The following HEATR6 variants were observed in gnomAD, a reference collection of about 807,000 sequenced individuals.
HEATR6 encodes HEAT repeat containing 6.
In HEATR6, 106 loss-of-function variants were observed where a neutral mutation model predicts 132.8. That is an observed-to-expected ratio of 0.80 (90% CI 0.68 to 0.94). The LOEUF (loss-of-function observed/expected upper bound fraction) is 0.94, where lower values mean the gene tolerates loss of function less well. HEATR6 is among the 40% of genes least tolerant of loss of function. HEATR6 has a pLI of 0.00. For synonymous variants in HEATR6, 529 were observed against 537.8 expected (o/e 0.98, Z 0.23); for missense variants, 1,339 against 1,425.1 (o/e 0.94, Z 0.97).
rs1043280387 is a variant in HEATR6 at position 60,043,366 on chromosome 17, C to T, written c.*197G>A. 3.5e-6 allele frequency: 2 copies of T among 576,236 alleles called. No homozygotes were observed. The highest frequency in any genetic ancestry group is 3.2e-5 in the Admixed American group (1 of 31,634). The allele number at this position is 576,236 out of a possible 1,614,324, so 35.7% of individuals were successfully genotyped here. Reference sequence around the variant, plus strand: ...ATGCACAGGTCAGATGTTCCAACAACCCTGACCATGGCCAGTGCTATGGAG... The same window carrying T: ...ATGCACAGGTCAGATGTTCCAACAATCCTGACCATGGCCAGTGCTATGGAG... On this transcript the variant is annotated 3_prime_UTR_variant, in exon 20 of 20. Transcript: ENST00000184956.
At chr17:60,071,329 G>A (rs1187378660) in intron 5 of HEATR6, among the ~76,000 whole-genome samples, 1 of 152,192 alleles carries the variant, frequency 6.6e-6, no homozygotes, top group East Asian at 1.9e-4. Flanking sequence ...TTGGGATGAT[G>A]TGAACTGTAG....
chr17:60,066,310 G>T lies in HEATR6; in HGVS notation c.1315C>A (p.Leu439Ile). 6.2e-7 allele frequency: 1 copy of T among 1,613,614 alleles called. No individual in the cohort carries two copies. Among genetic ancestry groups the T allele is most frequent in the Non-Finnish European group, 8.5e-7 (1 of 1,179,770 alleles). The change falls in exon 9 of 20, where the codon CTT becomes ATT. Residue 439 changes from leucine to isoleucine, a missense_variant. By Grantham distance (5) the Leu-to-Ile change is conservative (BLOSUM62 2). Coordinates refer to ENST00000184956, the MANE Select transcript of HEATR6 (RefSeq NM_022070.5). ...ATAAAAGCTGACCAGTAGCCATAAA[G>T]AACTTTTTTTTCTATCGATTTTATA... Reference protein sequence around the residue: ...STIKSIEKKVLYGYWSAFIPD... With the variant: ...STIKSIEKKVIYGYWSAFIPD...
At chr17:60,058,774 A>T (rs1234987002) in intron 11 of HEATR6, among the ~76,000 whole-genome samples, 2 of 152,212 alleles carry the variant, frequency 1.3e-5, no homozygotes, top group Non-Finnish European at 1.5e-5. Flanking sequence ...TATGTCACAG[A>T]AAACATCCAC....
chr17:60,050,236 G>C (rs181738136), intron 15 of HEATR6, among the ~76,000 whole-genome samples: 38 of 152,198 alleles, frequency 2.5e-4, no homozygotes, highest in Non-Finnish European at 4.4e-4. Flanking sequence ...CAGCTCACAT[G>C]GTGCCATCTG....
intron 2 of HEATR6, 27 bp from the exon 3 acceptor site, chr17:60,073,913 TG>T: frequency 6.2e-7 from 1 of 1,600,822 alleles, no homozygotes; most frequent in Non-Finnish European, 8.5e-7. Flanking sequence ...AGATATATTC[TG>T]ATCTAACTTT....
chr17:60,060,424 T>C (rs2083204114), intron 9 of HEATR6, among the ~76,000 whole-genome samples: 1 of 152,052 alleles, frequency 6.6e-6, no homozygotes, highest in African/African-American at 2.4e-5. Context: ...GGACTACATG[T>C]GTGCCACCAC....
At chr17:60,052,951 T>A (rs1002291470) in intron 14 of HEATR6, among the ~76,000 whole-genome samples, 2 of 152,158 alleles carry the variant, frequency 1.3e-5, no homozygotes, top group African/African-American at 4.8e-5. Context: ...GGTTATGGTT[T>A]ATTATTCCTT....
chr17:60,066,298 A>C lies in HEATR6; in HGVS notation c.1327T>G (p.Trp443Gly). ...SIEKKVLYGY[W>G]SAFIPDTPEL... ...GGCGTATCAGGAATAAAAGCTGACC[A>C]GTAGCCATAAAGAACTTTTTTTTCT... The change falls in exon 9 of 20, where the codon TGG (tryptophan) becomes GGG (glycine). Residue 443 changes from tryptophan (W) to glycine (G), a missense_variant. Trp to Gly is a radical substitution (Grantham distance 184). Coordinates refer to ENST00000184956, the MANE Select transcript of HEATR6 (RefSeq NM_022070.5). 6.2e-7 allele frequency: 1 copy of C among 1,613,944 alleles called. No homozygotes were observed. The highest frequency in any genetic ancestry group is 8.5e-7 in the Non-Finnish European group (1 of 1,179,840).
chr17:60,059,899 C>T lies in HEATR6; in HGVS notation c.1614G>A (p.Gln538=), dbSNP rs1906876315. ...VAESSSQTVT[Q]IIKCLANLVS... Reference sequence around the variant, plus strand: ...ACAGTTGGTACATTACCTTAATTATCTGAGTAACGGTCTGTGAGGATGACT... The same window carrying T: ...ACAGTTGGTACATTACCTTAATTATTTGAGTAACGGTCTGTGAGGATGACT... The change falls in exon 10 of 20, where the codon CAG becomes CAA. Residue 538 remains glutamine (Q), a synonymous_variant. Coordinates refer to ENST00000184956, the MANE Select transcript of HEATR6 (RefSeq NM_022070.5). 1 of 1,613,148 alleles carries T rather than the reference C, an allele frequency of 6.2e-7. No homozygotes were observed. Among genetic ancestry groups the T allele is most frequent in the Non-Finnish European group, 8.5e-7 (1 of 1,179,310 alleles).
chr17:60,067,815 G>T, intron 7 of HEATR6, 83 bp from the exon 8 acceptor site: 1 of 1,132,546 alleles, frequency 8.8e-7, no homozygotes, highest in Non-Finnish European at 1.3e-6. Context: ...TCATTTTAAA[G>T]TGACTAAATA....
chr17:60,059,187 T>A (rs1906851911), intron 11 of HEATR6, among the ~76,000 whole-genome samples: 1 of 152,214 alleles, frequency 6.6e-6, no homozygotes, highest in Admixed American at 6.5e-5. Flanking sequence ...GTCACTGCCC[T>A]GAGCATTAAA....
At chr17:60,072,483 A>T (rs2083274379) in intron 4 of HEATR6, among the ~76,000 whole-genome samples, 154 bp from the exon 5 acceptor site, 1 of 152,234 alleles carries the variant, frequency 6.6e-6, no homozygotes, top group Non-Finnish European at 1.5e-5. Flanking sequence ...TTGGTTAATT[A>T]GTTACTGCTG....
At chr17:60,067,947 T>G (rs2083251269) in intron 7 of HEATR6, among the ~76,000 whole-genome samples, 1 of 152,220 alleles carries the variant, frequency 6.6e-6, no homozygotes, top group South Asian at 2.1e-4. Context: ...AAAGAAGGAA[T>G]GAAATACATG....
Position 60,074,204 on chromosome 17 carries a change from T to C in HEATR6, c.328-318A>G, listed in dbSNP as rs536684038. Reference sequence around the variant, plus strand: ...AGTATTTCAACGCACTGAAATTTAATTAAACTGCCTTATACATAATAAACA... The same window carrying C: ...AGTATTTCAACGCACTGAAATTTAACTAAACTGCCTTATACATAATAAACA... On this transcript the variant is annotated intron_variant, in intron 2 of 19. Coordinates refer to ENST00000184956, the MANE Select transcript of HEATR6 (RefSeq NM_022070.5). 12 of 844,854 alleles carry C rather than the reference T, an allele frequency of 1.4e-5. No homozygotes were observed. The South Asian group carries it at 4.8e-4, about 34-fold the overall frequency. 52.3% of individuals were successfully genotyped at this position (844,854 alleles called of 1,614,324 possible).
Position 60,070,794 on chromosome 17 carries a change from G to C in HEATR6, c.713C>G (p.Ala238Gly). ...DITFCMLLQN[A>G]LKGIQSLLNG... is the part of the protein sequence containing the mutation. ...TAGAAGTGACTGTATACCTTTTAAT[G>C]CATTTTGCAATAACTAGGGGGAAAA... The change falls in exon 6 of 20, where the codon GCA (alanine) becomes GGA (glycine). Residue 238 changes from alanine (A) to glycine (G), a missense_variant. Transcript: ENST00000184956. 1 of 1,588,454 alleles carries C rather than the reference G, an allele frequency of 6.3e-7. No homozygotes were observed. The highest frequency in any genetic ancestry group is 8.6e-7 in the Non-Finnish European group (1 of 1,157,002).
At chr17:60,062,234 G>GT (rs2083216056) in intron 9 of HEATR6, among the ~76,000 whole-genome samples, 4 of 152,164 alleles carry the variant, frequency 2.6e-5, no homozygotes, top group Admixed American at 2.6e-4. Flanking sequence ...TGGTTTACCA[G>GT]TCCTAATCAG....
rs561466757 is a variant in HEATR6, at chr17:60,073,993, T to C, written c.328-107A>G. The C allele has an allele frequency of 4.1e-6, 6 of 1,446,108 alleles. No individual in the cohort carries two copies. The East Asian group carries it at 1.5e-4, about 37-fold the overall frequency. 89.6% of individuals were successfully genotyped at this position (1,446,108 alleles called of 1,614,324 possible). A position where few individuals can be genotyped will look rare whatever the true frequency, so the allele number is the denominator to read the frequency against. ...CAAGCTGTATAAAAGAGAGAGTGTG[T>C]GTCTGTCGTTTATGTGTCAAAAGGA... On this transcript the variant is annotated intron_variant, in intron 2 of 19. Coordinates refer to ENST00000184956, the MANE Select transcript of HEATR6 (RefSeq NM_022070.5).
chr17:60,053,775 A>G (rs1265466752), intron 14 of HEATR6, among the ~76,000 whole-genome samples: 2 of 152,332 alleles, frequency 1.3e-5, no homozygotes, highest in Non-Finnish European at 1.5e-5. Flanking sequence ...TGGTGAAAGA[A>G]ATTCTAAGCA....
intron 1 of HEATR6, 150 bp from the exon 2 acceptor site, chr17:60,076,387 C>T: frequency 1.7e-6 from 1 of 583,104 alleles, no homozygotes; most frequent in Non-Finnish European, 3.0e-6. Context: ...GAAGTGATAG[C>T]ACAAAAACAG....
Sources: allele counts gnomAD v4.1 joint callset (sites outside exome capture counted in the v4.1 genomes callset), GRCh38; gene constraint gnomAD v4.1.1; transcripts MANE v1.5; gene names NCBI Gene and HGNC (gene_info 2026-07-23, HGNC 2026-07-21).